Variants in GRM7 observed in about 807,000 individuals in gnomAD.
The protein encoded by GRM7 is metabotropic glutamate receptor 7.
GRM7 carries 35 observed loss-of-function variants against 84.5 expected under a neutral mutation model. The observed-to-expected ratio is 0.41, with a 90% CI of 0.32 to 0.55. The LOEUF (loss-of-function observed/expected upper bound fraction) is 0.55. Ranked by LOEUF, GRM7 falls within the 20% of genes least tolerant of loss-of-function variation. GRM7 has a pLI of 0.19. For synonymous variants in GRM7, 487 were observed against 455.1 expected (o/e 1.07, Z -0.89); for missense variants, 1,003 against 1,194.6 (o/e 0.84, Z 2.36).
intron 1 of GRM7, among the ~76,000 whole-genome samples, chr3:7,104,307 G>A (rs1699227790): frequency 6.6e-6 from 1 of 151,590 alleles, no homozygotes; most frequent in Non-Finnish European, 1.5e-5. Context: ...CCAAGCAGAG[G>A]CCTTAACAGA....
chr3:6,874,617 T>C (rs1695237968), intron 1 of GRM7, among the ~76,000 whole-genome samples: 1 of 152,224 alleles, frequency 6.6e-6, no homozygotes, highest in Non-Finnish European at 1.5e-5. Context: ...ACTTGACCAT[T>C]AGTGAGAGAG....
At chr3:6,892,450 C>A (rs1057122671) in intron 1 of GRM7, among the ~76,000 whole-genome samples, 2 of 152,114 alleles carry the variant, frequency 1.3e-5, no homozygotes, top group Non-Finnish European at 2.9e-5. Flanking sequence ...TAATCAATAA[C>A]CTTTCAAAAA....
chr3:7,427,991 A>AC (rs143819028), intron 5 of GRM7, among the ~76,000 whole-genome samples: 2,472 of 152,186 alleles, frequency 0.016, 75 homozygotes, highest in African/African-American at 0.057. Flanking sequence ...CTGGGTTGAG[A>AC]CCCCTCATAG....
chr3:7,035,107 C>T (rs753387453), intron 1 of GRM7, among the ~76,000 whole-genome samples: 39 of 152,140 alleles, frequency 2.6e-4, no homozygotes, highest in Non-Finnish European at 4.7e-4. Flanking sequence ...GACTAAGCAG[C>T]TGCACCCCCA....
chr3:7,067,791 A>G (rs572119145), intron 1 of GRM7, among the ~76,000 whole-genome samples: 1 of 152,142 alleles, frequency 6.6e-6, no homozygotes, highest in Non-Finnish European at 1.5e-5. Context: ...CCCATGAGGA[A>G]GGAAAAAAAG....
At chr3:7,087,755 T>C (rs529540948) in intron 1 of GRM7, among the ~76,000 whole-genome samples, 41 of 152,286 alleles carry the variant, frequency 2.7e-4, no homozygotes, top group African/African-American at 9.9e-4. Flanking sequence ...CAAAAGGGTT[T>C]ATAAAATTAA....
At chr3:7,307,356 T>C (rs1422159935) in intron 4 of GRM7, among the ~76,000 whole-genome samples, 3 of 151,702 alleles carry the variant, frequency 2.0e-5, no homozygotes. Context: ...AGACGCTGTG[T>C]AAAAGGAGCT....
At chr3:7,600,590 C>T (rs147397229) in intron 8 of GRM7, among the ~76,000 whole-genome samples, 1 of 152,112 alleles carries the variant, frequency 6.6e-6, no homozygotes, top group Non-Finnish European at 1.5e-5. Context: ...TGTGTGCCCT[C>T]TGGTGTTCTT....
chr3:6,960,121 A>G (rs1693233381), intron 1 of GRM7, among the ~76,000 whole-genome samples: 1 of 152,098 alleles, frequency 6.6e-6, no homozygotes, highest in African/African-American at 2.4e-5. Flanking sequence ...ACATCAACTA[A>G]CCAGACCTTT....
At chr3:7,690,101 C>A (rs1700740812) in intron 9 of GRM7, among the ~76,000 whole-genome samples, 1 of 152,094 alleles carries the variant, frequency 6.6e-6, no homozygotes, top group African/African-American at 2.4e-5. Flanking sequence ...CACAAAGAAC[C>A]TGCAGTACAA....
chr3:6,982,657 C>T (rs1031659712), intron 1 of GRM7, among the ~76,000 whole-genome samples: 11 of 151,718 alleles, frequency 7.3e-5, no homozygotes, highest in African/African-American at 2.4e-4. Flanking sequence ...TCAGAGTCTC[C>T]CCCAGCTGGT....
chr3:7,006,257 A>G (rs891487030), intron 1 of GRM7, among the ~76,000 whole-genome samples: 1 of 152,180 alleles, frequency 6.6e-6, no homozygotes, highest in Non-Finnish European at 1.5e-5. Flanking sequence ...ATAGAAAACT[A>G]ATTAGAATTC....
At position 7,146,280 on chromosome 3, in the gene GRM7, G is replaced by A. The variant is rs143898744; in HGVS notation, c.520-172G>A. 3.1e-3 allele frequency among the ~76,000 whole-genome samples: 474 copies of A among 152,322 alleles called. 1 individual carries two copies. The highest frequency in any genetic ancestry group is 0.011 in the South Asian group (51 of 4,828). On this transcript the variant is annotated intron_variant, in intron 1 of 9. Transcript: ENST00000357716. ...GCTGAAGTCAATACTTTTGTGCTGC[G>A]AAGAAGTAGATGGTTGCATTTAGGT... is the stretch of plus-strand genomic sequence containing the variant.
At chr3:7,387,301 C>T (rs1694822994) in intron 4 of GRM7, among the ~76,000 whole-genome samples, 1 of 152,202 alleles carries the variant, frequency 6.6e-6, no homozygotes, top group African/African-American at 2.4e-5. Flanking sequence ...AATTAAGTCC[C>T]ATTTGTCTAT....
chr3:7,030,494 C>T lies in GRM7; in HGVS notation c.520-115958C>T, dbSNP rs117089556. ...GAAGTTTGTTGGATTTCAATTATAC[C>T]TGAATGAAGAGTTTTTAAAAATAGT... On this transcript the variant is annotated intron_variant, in intron 1 of 9. Coordinates refer to ENST00000357716, the MANE Select transcript of GRM7 (RefSeq NM_000844.4). 1.6e-4 allele frequency among the ~76,000 whole-genome samples: 24 copies of T among 152,206 alleles called. No individual in the cohort carries two copies. In the East Asian group the frequency reaches 4.6e-3, roughly 29 times the overall value.
At chr3:7,372,106 A>G (rs569250312) in intron 4 of GRM7, among the ~76,000 whole-genome samples, 22 of 152,110 alleles carry the variant, frequency 1.4e-4, no homozygotes, top group African/African-American at 4.8e-4. Flanking sequence ...ATTCTAAGTT[A>G]TGGAAGTAGG....
chr3:6,930,342 C>G (rs528670304), intron 1 of GRM7, among the ~76,000 whole-genome samples: 1 of 151,972 alleles, frequency 6.6e-6, no homozygotes, highest in Non-Finnish European at 1.5e-5. Context: ...AAACAATGTT[C>G]GATAAAACTT....
At chr3:7,667,553 AT>A (rs1264644867) in intron 8 of GRM7, among the ~76,000 whole-genome samples, 5 of 152,144 alleles carry the variant, frequency 3.3e-5, no homozygotes, top group African/African-American at 1.2e-4. Flanking sequence ...TTTTTTAATA[AT>A]TATATCAAAG....
Position 7,499,762 on chromosome 3 carries a change from T to G in GRM7, c.1515+38040T>G, listed in dbSNP as rs571262314. Among the ~76,000 whole-genome samples the G allele has an allele frequency of 1.1e-4, 17 of 151,092 alleles. No homozygotes were observed. In the East Asian group the frequency reaches 2.7e-3, roughly 24 times the overall value. Reference sequence around the variant, plus strand: ...AAACCTCACAGTTTAATTGTAGAGTTGGCCTAGACACCATTCTTTTTTTTT... The same window carrying G: ...AAACCTCACAGTTTAATTGTAGAGTGGGCCTAGACACCATTCTTTTTTTTT... On this transcript the variant is annotated intron_variant, in intron 7 of 9. Coordinates refer to ENST00000357716, the MANE Select transcript of GRM7 (RefSeq NM_000844.4).
Sources: allele counts gnomAD v4.1 joint callset (sites outside exome capture counted in the v4.1 genomes callset), GRCh38; gene constraint gnomAD v4.1.1; transcripts MANE v1.5; gene names NCBI Gene and HGNC (gene_info 2026-07-23, HGNC 2026-07-21).